The following PTPRG variants were observed in gnomAD, a reference collection of about 807,000 sequenced individuals.
PTPRG encodes receptor-type tyrosine-protein phosphatase gamma.
A neutral mutation model predicts 165.3 loss-of-function variants in PTPRG; 102 were observed. The ratio of observed to expected loss-of-function variants is 0.62; its 90% CI spans 0.53 to 0.73. PTPRG has a LOEUF of 0.73. Ranked by LOEUF, PTPRG falls within the 30% of genes least tolerant of loss-of-function variation. The pLI is 0.00. For missense variants in PTPRG, 1,866 were observed against 1,861.4 expected, an observed-to-expected ratio of 1.00 and a Z score of -0.05; for synonymous variants, 675 against 669.5, an observed-to-expected ratio of 1.01 and a Z score of -0.13.
Position 62,203,354 on chromosome 3 carries a change from G to C in PTPRG, c.1559G>C (p.Gly520Ala). 1 of 1,613,288 alleles carries C rather than the reference G, an allele frequency of 6.2e-7. No individual in the cohort carries two copies. Among genetic ancestry groups the C allele is most frequent in the Non-Finnish European group, 8.5e-7 (1 of 1,179,648 alleles). ...ACCAGCACGCTGCTCGCCGGCCTGG[G>C]GTTCGGCGGTGGTGGCATCTCCTCT... is the stretch of plus-strand genomic sequence containing the variant. ...VVTSTLLAGL[G>A]FGGGGISSFP... The change falls in exon 12 of 30, where the codon GGG becomes GCG. Residue 520 changes from glycine to alanine, a missense_variant. By Grantham distance (60) the Gly-to-Ala change is moderately conservative. This residue lies in a region of PTPRG where 1,452 missense variants were observed against 1,463.0 expected (regional missense o/e 0.99). Coordinates refer to ENST00000474889, the MANE Select transcript of PTPRG (RefSeq NM_002841.4). The surrounding 1 kb of genome is among the most constrained non-coding windows in gnomAD (Gnocchi z 6.4).
At chr3:62,067,652 C>T (rs1399963048) in intron 4 of PTPRG, among the ~76,000 whole-genome samples, 1 of 152,160 alleles carries the variant, frequency 6.6e-6, no homozygotes, top group Non-Finnish European at 1.5e-5. Flanking sequence ...GACAGATCAT[C>T]AGGCATTAGA....
intron 10 of PTPRG, among the ~76,000 whole-genome samples, chr3:62,198,550 C>T (rs1700023767): frequency 6.6e-6 from 1 of 152,134 alleles, no homozygotes; most frequent in African/African-American, 2.4e-5. Context: ...GTGGCAAAGC[C>T]CATGGATCCT....
At chr3:61,889,833 C>T (rs1349264969) in intron 2 of PTPRG, among the ~76,000 whole-genome samples, 1 of 152,050 alleles carries the variant, frequency 6.6e-6, no homozygotes, top group Admixed American at 6.5e-5. Flanking sequence ...AGCTTATTTC[C>T]CTTGTCAGTT....
At chr3:61,688,086 T>TCAGAGCCACA (rs1703696335) in intron 1 of PTPRG, among the ~76,000 whole-genome samples, 1 of 152,202 alleles carries the variant, frequency 6.6e-6, no homozygotes, top group South Asian at 2.1e-4. Context: ...CTGACATCAC[T>TCAGAGCCACA]TTCATGACCT....
At chr3:62,186,239 C>T (rs1395463173) in intron 8 of PTPRG, among the ~76,000 whole-genome samples, 1 of 152,168 alleles carries the variant, frequency 6.6e-6, no homozygotes, top group African/African-American at 2.4e-5. Context: ...ACATTTGAGG[C>T]TCCTGGCAGT....
chr3:62,259,532 G>A (rs796442777), intron 16 of PTPRG, among the ~76,000 whole-genome samples: 35 of 152,308 alleles, frequency 2.3e-4, no homozygotes, highest in African/African-American at 8.4e-4. Flanking sequence ...TGTAGAGTTA[G>A]TTTCCTCAGC....
chr3:61,937,949 T>C (rs58720685), intron 2 of PTPRG, among the ~76,000 whole-genome samples: 33 of 151,282 alleles, frequency 2.2e-4, no homozygotes, highest in Middle Eastern at 3.4e-3. Flanking sequence ...TTTTTTTTTT[T>C]CCCCCTTCAG....
intron 17 of PTPRG, 163 bp downstream of exon 17, chr3:62,263,057 T>A: frequency 1.8e-6 from 1 of 569,620 alleles, no homozygotes; most frequent in Non-Finnish European, 3.1e-6. Flanking sequence ...AGTTGGGACA[T>A]TTTCTTCCCC....
At chr3:61,901,627 T>C (rs1304542006) in intron 2 of PTPRG, among the ~76,000 whole-genome samples, 1 of 152,210 alleles carries the variant, frequency 6.6e-6, no homozygotes, top group Non-Finnish European at 1.5e-5. Flanking sequence ...TGTTTTGTAC[T>C]GTCTATTGAC....
chr3:61,995,682 G>GCCTGCCTTCCTT (rs1553702212), intron 3 of PTPRG, among the ~76,000 whole-genome samples: 28 of 72,796 alleles, frequency 3.8e-4, no homozygotes, highest in East Asian at 2.0e-3. Context: ...CTGCCCGCCC[G>GCCTGCCTTCCTT]CCTTCCTTCC....
intron 2 of PTPRG, chr3:61,770,808 A>G (rs2107021775): frequency 6.6e-6 from 1 of 152,328 alleles, no homozygotes; most frequent in Admixed American, 6.5e-5. Flanking sequence ...ATTTGGGGAC[A>G]GACAGCAAGC....
intron 2 of PTPRG, among the ~76,000 whole-genome samples, chr3:61,772,125 T>C (rs950458630): frequency 6.6e-6 from 1 of 151,266 alleles, no homozygotes; most frequent in African/African-American, 2.4e-5. Context: ...CATCTTCATG[T>C]TCCTTCTTTG....
In PTPRG at chr3:62,255,760, C is replaced by T. The variant is rs527701569; in HGVS notation, c.2559+545C>T. On this transcript the variant is annotated intron_variant, in intron 16 of 29. Transcript: ENST00000474889. This position sits in a 1 kb window ranked among gnomAD's most constrained non-coding sequence, Gnocchi z 4.0. The stretch of plus-strand genomic sequence containing the variant: ...TAAATGATTAACATCTTTAAAAGTG[C>T]CAAGTTCATTGTTAAGAACCATGCA... 1.9e-4 allele frequency among the ~76,000 whole-genome samples: 29 copies of T among 152,216 alleles called. No individual in the cohort carries two copies. Among genetic ancestry groups the T allele is most frequent in the Admixed American group, 2.6e-4 (4 of 15,280 alleles).
chr3:62,029,133 ACACT>A (rs1203137585), intron 4 of PTPRG, among the ~76,000 whole-genome samples: 3 of 152,160 alleles, frequency 2.0e-5, no homozygotes, highest in African/African-American at 7.2e-5. Context: ...TCTCTCACAC[ACACT>A]AAGAATGTGT....
chr3:61,920,746 G>A (rs1575785929), intron 2 of PTPRG, among the ~76,000 whole-genome samples: 1 of 152,064 alleles, frequency 6.6e-6, no homozygotes, highest in Admixed American at 6.6e-5. Flanking sequence ...TTGAGAGGAA[G>A]GTACAGAGAT....
chr3:61,994,692 G>T (rs2040977972), intron 3 of PTPRG, among the ~76,000 whole-genome samples: 1 of 152,220 alleles, frequency 6.6e-6, no homozygotes, highest in South Asian at 2.1e-4. Flanking sequence ...AGAGCACACA[G>T]AGGCAAGCTA....
At chr3:61,601,538 A>C (rs1700868464) in intron 1 of PTPRG, among the ~76,000 whole-genome samples, 1 of 152,176 alleles carries the variant, frequency 6.6e-6, no homozygotes, top group African/African-American at 2.4e-5. Flanking sequence ...TCACTTATTC[A>C]ACAAAAACAA....
intron 6 of PTPRG, among the ~76,000 whole-genome samples, chr3:62,137,568 C>G (rs532079757): frequency 6.6e-6 from 1 of 152,180 alleles, no homozygotes; most frequent in South Asian, 2.1e-4. Context: ...TGGATGTCAT[C>G]GATTTCCTGA....
chr3:61,840,296 A>C (rs909221474), intron 2 of PTPRG, among the ~76,000 whole-genome samples: 1 of 150,334 alleles, frequency 6.7e-6, no homozygotes. Context: ...TTCTGTCTGA[A>C]TATCCAGGAC....
Sources: gnomAD v4.1 joint callset for allele counts (sites outside exome capture counted in the v4.1 genomes callset) on GRCh38, gnomAD v4.1.1 for gene constraint, gnomAD v4.1.1 regional missense constraint, Gnocchi (gnomAD v3.1) non-coding constraint, MANE v1.5 for transcripts, NCBI Gene and HGNC (gene_info 2026-07-23, HGNC 2026-07-21) for gene names.